The following FRMD4A variants were observed in gnomAD, a reference collection of about 807,000 sequenced individuals.
FRMD4A encodes FERM domain-containing protein 4A.
In FRMD4A, 29 loss-of-function variants were observed where a neutral mutation model predicts 129.1. That is an observed-to-expected ratio of 0.22 (90% CI 0.17 to 0.31). FRMD4A has a LOEUF of 0.31. FRMD4A is among the 10% of genes least tolerant of loss of function. The probability of loss-of-function intolerance (pLI) is 1.00; values close to 1 mark genes in which losing one functional copy is unlikely to be tolerated. For missense variants in FRMD4A, 1,272 were observed against 1,375.8 expected, an observed-to-expected ratio of 0.92 and a Z score of 1.19; for synonymous variants, 634 against 571.6, an observed-to-expected ratio of 1.11 and a Z score of -1.56.
chr10:14,266,846 G>A (rs1844997880), intron 2 of FRMD4A, among the ~76,000 whole-genome samples: 1 of 152,132 alleles, frequency 6.6e-6, no homozygotes, highest in Admixed American at 6.5e-5. Flanking sequence ...AGGGTGACTA[G>A]ATGTATATAA....
At position 13,663,467 on chromosome 10, in the gene FRMD4A, AG is replaced by A; in HGVS notation, c.1645del (p.Val550PhefsTer67). The part of the protein sequence containing the change: ...ASEDSSLSDA[L>X]VLEDEDSQVT... ...CATAAACCTACCATCCTCAAGAACA[AG>A]GGCATCTGAGAGGGAGCTGTCTTCA... On this transcript the variant is annotated frameshift_variant, in exon 19 of 25. Coordinates refer to ENST00000357447, the MANE Select transcript of FRMD4A (RefSeq NM_018027.5). LOFTEE classifies it high-confidence loss of function. The A allele has an allele frequency of 6.5e-7, 1 of 1,543,672 alleles. No homozygotes were observed. Among genetic ancestry groups the A allele is most frequent in the Non-Finnish European group, 9.0e-7 (1 of 1,115,508 alleles).
At chr10:14,285,052 C>T (rs1027211085) in intron 2 of FRMD4A, among the ~76,000 whole-genome samples, 2 of 152,194 alleles carry the variant, frequency 1.3e-5, no homozygotes, top group Non-Finnish European at 2.9e-5. Flanking sequence ...ACACTTTCAA[C>T]GTGCTGATTT....
intron 2 of FRMD4A, among the ~76,000 whole-genome samples, chr10:14,016,631 A>G (rs573394974): frequency 6.6e-6 from 1 of 152,330 alleles, no homozygotes; most frequent in South Asian, 2.1e-4. Flanking sequence ...CATTTGAGTA[A>G]CTATGAGTAC....
intron 3 of FRMD4A, among the ~76,000 whole-genome samples, chr10:13,814,594 AAAAAAAAAAAAAAG>A (rs1196714185): frequency 0.018 from 2,695 of 147,764 alleles, 98 homozygotes; most frequent in South Asian, 0.031. Flanking sequence ...AAAAAAAAAA[AAAAAAAAAAAAAAG>A]AAAGAAAGGG....
At chr10:13,945,806 T>C (rs1283832535) in intron 2 of FRMD4A, among the ~76,000 whole-genome samples, 2 of 152,184 alleles carry the variant, frequency 1.3e-5, no homozygotes, top group Non-Finnish European at 2.9e-5. Flanking sequence ...CATTTGGCTG[T>C]TGTTGCTTTC....
chr10:13,676,014 A>T (rs1195709302), intron 15 of FRMD4A: 1 of 152,132 alleles, frequency 6.6e-6, no homozygotes, highest in African/African-American at 2.4e-5. Context: ...AAACATGATG[A>T]TTCAAATAGC....
At chr10:13,699,329 G>A (rs566264181) in intron 14 of FRMD4A, among the ~76,000 whole-genome samples, 1 of 145,804 alleles carries the variant, frequency 6.9e-6, no homozygotes, top group East Asian at 2.1e-4. Context: ...TGCTCTCCTC[G>A]GCTTCCCAAA....
intron 2 of FRMD4A, among the ~76,000 whole-genome samples, chr10:14,249,742 G>A (rs760315139): frequency 9.2e-5 from 14 of 152,196 alleles, no homozygotes; most frequent in South Asian, 2.1e-4. Flanking sequence ...AAACGTTCCC[G>A]ATAAGGGATG....
chr10:13,844,814 G>A (rs2094019321), intron 3 of FRMD4A, among the ~76,000 whole-genome samples: 1 of 152,190 alleles, frequency 6.6e-6, no homozygotes, highest in Non-Finnish European at 1.5e-5. Flanking sequence ...ATGCTGGAAT[G>A]CCTCTAAACA....
At position 13,737,890 on chromosome 10, in the gene FRMD4A, T is replaced by C. The variant is rs1308723512; in HGVS notation, c.713A>G (p.Lys238Arg). ...GIPWWLGLSY[K>R]GIFQYDYHDK... ...ATGGTAGTCATACTGGAAGATCCCT[T>C]TGTAGCTCAGGCCCAGCCACCATGG... The change falls in exon 12 of 25, where the codon AAA (lysine) becomes AGA (arginine). Residue 238 changes from lysine (K) to arginine (R), a missense_variant. Lys to Arg is a conservative substitution (Grantham distance 26). This residue lies in a region of FRMD4A where 300 missense variants were observed against 483.6 expected (regional missense o/e 0.62). Coordinates refer to ENST00000357447, the MANE Select transcript of FRMD4A (RefSeq NM_018027.5). 6.2e-7 allele frequency: 1 copy of C among 1,609,570 alleles called. No homozygotes were observed. Among genetic ancestry groups the C allele is most frequent in the Non-Finnish European group, 8.5e-7 (1 of 1,176,066 alleles).
intron 2 of FRMD4A, among the ~76,000 whole-genome samples, chr10:14,056,040 T>C (rs920717275): frequency 6.6e-6 from 1 of 152,182 alleles, no homozygotes; most frequent in Non-Finnish European, 1.5e-5. Context: ...GTTCACGTCA[T>C]TCTTTTTTAG....
At chr10:14,277,980 A>C (rs1031133180) in intron 2 of FRMD4A, among the ~76,000 whole-genome samples, 10 of 152,144 alleles carry the variant, frequency 6.6e-5, no homozygotes, top group African/African-American at 2.4e-4. Flanking sequence ...GAATGGTTGA[A>C]TGGTGCTCAG....
At chr10:14,056,278 C>T (rs1039022945) in intron 2 of FRMD4A, among the ~76,000 whole-genome samples, 22 of 152,058 alleles carry the variant, frequency 1.4e-4, no homozygotes, top group African/African-American at 5.3e-4. Context: ...GTGATATGCC[C>T]GCCTCAGCCT....
At chr10:14,250,120 C>T (rs1244878297) in intron 2 of FRMD4A, among the ~76,000 whole-genome samples, 1 of 152,106 alleles carries the variant, frequency 6.6e-6, no homozygotes, top group African/African-American at 2.4e-5. Context: ...GCTACCACGC[C>T]TGGCTAAGTG....
chr10:14,008,087 T>A (rs2095668406), intron 2 of FRMD4A: 4 of 1,303,392 alleles, frequency 3.1e-6, no homozygotes, highest in Non-Finnish European at 4.0e-6. Flanking sequence ...TTCTCAGAGA[T>A]CCATAAGGAA....
At chr10:13,662,442 A>C (rs918981768) in intron 19 of FRMD4A, among the ~76,000 whole-genome samples, 1 of 152,150 alleles carries the variant, frequency 6.6e-6, no homozygotes, top group Non-Finnish European at 1.5e-5. Context: ...TGAGGTTTCC[A>C]TACAGGGCAA....
chr10:14,016,888 C>G (rs2095700921), intron 2 of FRMD4A, among the ~76,000 whole-genome samples: 1 of 152,216 alleles, frequency 6.6e-6, no homozygotes, highest in African/African-American at 2.4e-5. Context: ...GTCAGAAGGC[C>G]TTGCCTTATG....
At chr10:13,990,808 T>G (rs1430353802) in intron 2 of FRMD4A, among the ~76,000 whole-genome samples, 1 of 152,224 alleles carries the variant, frequency 6.6e-6, no homozygotes, top group Non-Finnish European at 1.5e-5. Flanking sequence ...CGAGTCAACC[T>G]GATCACCCTG....
intron 15 of FRMD4A, chr10:13,675,552 C>A (rs1303067787): frequency 6.5e-6 from 1 of 153,232 alleles, no homozygotes; most frequent in Non-Finnish European, 1.5e-5. Flanking sequence ...CAGGCATCCG[C>A]CACCACACCC....
Sources: allele counts gnomAD v4.1 joint callset (sites outside exome capture counted in the v4.1 genomes callset), GRCh38; gene constraint gnomAD v4.1.1; regional missense constraint gnomAD v4.1.1; transcripts MANE v1.5; gene names NCBI Gene and HGNC (gene_info 2026-07-23, HGNC 2026-07-21).